PIK3C3: variants seen among roughly 807,000 people sequenced by gnomAD.
PIK3C3 encodes PI3-kinase type 3.
In PIK3C3, 95 loss-of-function variants were observed where a neutral mutation model predicts 126.1. The ratio of observed to expected loss-of-function variants is 0.75; its 90% CI spans 0.64 to 0.89. PIK3C3 has a LOEUF of 0.89. Ranked by LOEUF, PIK3C3 falls within the 40% of genes least tolerant of loss-of-function variation. The probability of loss-of-function intolerance (pLI) is 0.00; values close to 1 mark genes in which losing one functional copy is unlikely to be tolerated. For synonymous variants in PIK3C3, 374 were observed against 360.0 expected, an observed-to-expected ratio of 1.04 and a Z score of -0.44; for missense variants, 829 against 1,063.2, an observed-to-expected ratio of 0.78 and a Z score of 3.06.
At chr18:42,007,120 G>A (rs550936832) in intron 10 of PIK3C3, among the ~76,000 whole-genome samples, 11 of 152,078 alleles carry the variant, frequency 7.2e-5, no homozygotes, top group South Asian at 4.1e-4. Flanking sequence ...CGCCCCCATC[G>A]GCCTCCCGAA....
Position 42,024,399 on chromosome 18 carries a change from AG to A in PIK3C3, c.1485-3042del, listed in dbSNP as rs1366920578. On this transcript the variant is annotated intron_variant, in intron 13 of 24. Transcript: ENST00000262039. ...ATGACAGTGTCACTTTTCTTTTTTT[AG>A]GTGGCCTTTTTGTTTGAATAGATGT... Among the ~76,000 whole-genome samples, 3 of 151,184 alleles carry A rather than the reference AG, an allele frequency of 2.0e-5. No individual in the cohort carries two copies. The East Asian group carries it at 5.8e-4, about 29-fold the overall frequency.
chr18:42,018,992 T>C (rs1027461657), intron 12 of PIK3C3, among the ~76,000 whole-genome samples: 4 of 152,020 alleles, frequency 2.6e-5, no homozygotes, highest in Non-Finnish European at 5.9e-5. Context: ...TCTGCAGTGA[T>C]TTTTCATACC....
rs953794202 is a variant in PIK3C3, at chr18:42,081,295, T to C, written c.*158T>C. 1.8e-5 allele frequency: 9 copies of C among 504,872 alleles called. No homozygotes were observed. The highest frequency in any genetic ancestry group is 2.9e-5 in the Non-Finnish European group (8 of 278,198). The allele number at this position is 504,872 out of a possible 1,614,324, so 31.3% of individuals were successfully genotyped here. A position where few individuals can be genotyped will look rare whatever the true frequency, so the allele number is the denominator to read the frequency against. ...ATATTACATGGTACCTGAGTTCTGC[T>C]TCCTTGGATGTCATTGCTTAAATAT... On this transcript the variant is annotated 3_prime_UTR_variant, in exon 25 of 25. Coordinates refer to ENST00000262039, the MANE Select transcript of PIK3C3 (RefSeq NM_002647.4).
At chr18:42,062,212 T>C (rs949204782) in intron 22 of PIK3C3, among the ~76,000 whole-genome samples, 8 of 152,120 alleles carry the variant, frequency 5.3e-5, no homozygotes, top group Admixed American at 3.3e-4. Context: ...AGAGTACGAA[T>C]GATGGAGAGT....
Position 41,955,315 on chromosome 18 carries a change from C to T in PIK3C3, c.24C>T (p.His8=), listed in dbSNP as rs199607754. Residue 8 remains histidine, a synonymous_variant, in exon 1 of 25, where the codon CAC becomes CAT. Coordinates refer to ENST00000262039, the MANE Select transcript of PIK3C3 (RefSeq NM_002647.4). MGEAEKF[H]YIYSCDLDIN... is the part of the protein sequence containing the mutation. ...CGATGGGGGAAGCAGAGAAGTTTCA[C>T]TACATCTATAGTTGTGACCTGGATA... 28 of 1,613,600 alleles carry T rather than the reference C, an allele frequency of 1.7e-5. No homozygotes were observed. Among genetic ancestry groups the T allele is most frequent in the African/African-American group, 2.7e-5 (2 of 75,028 alleles).
Position 42,087,530 on chromosome 18 carries a change from A to G in PIK3C3, c.*6393A>G, listed in dbSNP as rs1986422759. On this transcript the variant is annotated 3_prime_UTR_variant, in exon 25 of 25. Coordinates refer to ENST00000262039, the MANE Select transcript of PIK3C3 (RefSeq NM_002647.4). ...CTGGCATTCACCCATGCAAGCTGCCAGCTTGTCTATGTCTGCAGCTCAACT... is the reference window on the plus strand; with the variant it reads ...CTGGCATTCACCCATGCAAGCTGCCGGCTTGTCTATGTCTGCAGCTCAACT... 6.6e-6 allele frequency: 1 copy of G among 152,202 alleles called. No homozygotes were observed. Among genetic ancestry groups the G allele is most frequent in the Non-Finnish European group, 1.5e-5 (1 of 68,036 alleles). The allele number at this position is 152,202 out of a possible 1,614,324, so 9.4% of individuals were successfully genotyped here.
At chr18:42,025,019 A>G (rs549291192) in intron 13 of PIK3C3, among the ~76,000 whole-genome samples, 4 of 151,574 alleles carry the variant, frequency 2.6e-5, no homozygotes, top group East Asian at 2.0e-4. Flanking sequence ...TCACCGTGTT[A>G]GCCAGGATGG....
At chr18:41,967,678 C>T (rs1249346514) in intron 3 of PIK3C3, among the ~76,000 whole-genome samples, 2 of 152,100 alleles carry the variant, frequency 1.3e-5, no homozygotes, top group Non-Finnish European at 2.9e-5. Context: ...AATAATTTGT[C>T]GTCCTTAATT....
intron 13 of PIK3C3, among the ~76,000 whole-genome samples, chr18:42,022,047 A>G (rs1983347315): frequency 6.6e-6 from 1 of 152,192 alleles, no homozygotes; most frequent in African/African-American, 2.4e-5. Context: ...GTCCAGCCTT[A>G]ACTTCATTCT....
At chr18:42,053,423 T>C (rs1984893455) in intron 21 of PIK3C3, among the ~76,000 whole-genome samples, 1 of 152,200 alleles carries the variant, frequency 6.6e-6, no homozygotes. Flanking sequence ...GCGATTGTAT[T>C]GTCAGTGTAT....
intron 24 of PIK3C3, among the ~76,000 whole-genome samples, chr18:42,076,125 C>CATATATATATATAT (rs1170833789): frequency 6.3e-5 from 3 of 47,672 alleles, no homozygotes; most frequent in South Asian, 5.4e-4. Context: ...TATATATGCG[C>CATATATATATATAT]ATATATATAT....
chr18:41,955,420 G>C (rs1352056665), intron 1 of PIK3C3, 61 bp downstream of exon 1: 2 of 1,427,224 alleles, frequency 1.4e-6, no homozygotes, highest in African/African-American at 1.4e-5. Flanking sequence ...GGGGGCAGGG[G>C]CCTGTTGGGA....
At chr18:41,984,570 C>A (rs966664740) in intron 4 of PIK3C3, among the ~76,000 whole-genome samples, 1 of 152,012 alleles carries the variant, frequency 6.6e-6, no homozygotes, top group Admixed American at 6.6e-5. Context: ...TTAGTGAGTT[C>A]GTTGGAGAGG....
At chr18:41,964,210 T>A (rs1980241065) in intron 3 of PIK3C3, among the ~76,000 whole-genome samples, 1 of 152,146 alleles carries the variant, frequency 6.6e-6, no homozygotes, top group South Asian at 2.1e-4. Context: ...GTCCCAACAC[T>A]GCTTATTAAA....
chr18:42,010,063 A>T (rs1171647691), intron 10 of PIK3C3, among the ~76,000 whole-genome samples: 1 of 152,222 alleles, frequency 6.6e-6, no homozygotes, highest in African/African-American at 2.4e-5. Flanking sequence ...TTTTTTCCAC[A>T]GTAGAACTTC....
In PIK3C3 at chr18:42,082,837, A is replaced by G. The variant is rs1286226560; in HGVS notation, c.*1700A>G. 1.3e-5 allele frequency: 2 copies of G among 152,230 alleles called. No individual in the cohort carries two copies. The highest frequency in any genetic ancestry group is 2.9e-5 in the Non-Finnish European group (2 of 68,034). 9.4% of individuals were successfully genotyped at this position (152,230 alleles called of 1,614,324 possible). ...GCTAACTGGAAGGCAAAAGTGTATC[A>G]TCTTACTCGTCTTTATAAACTCCAC... On this transcript the variant is annotated 3_prime_UTR_variant, in exon 25 of 25. Transcript: ENST00000262039.
At chr18:42,076,103 T>TATATATATATATATATGCAC (rs1985972312) in intron 24 of PIK3C3, among the ~76,000 whole-genome samples, 2 of 66,574 alleles carry the variant, frequency 3.0e-5, no homozygotes, top group Non-Finnish European at 2.9e-5. Flanking sequence ...TATATATATA[T>TATATATATATATATATGCAC]ATATATATAT....
At chr18:42,012,405 T>C (rs1366788694) in intron 10 of PIK3C3, among the ~76,000 whole-genome samples, 1 of 152,140 alleles carries the variant, frequency 6.6e-6, no homozygotes, top group Non-Finnish European at 1.5e-5. Flanking sequence ...GTTTGTGAGC[T>C]TAAAGAGGAG....
chr18:42,036,631 C>T (rs1984064895), intron 16 of PIK3C3, among the ~76,000 whole-genome samples: 1 of 150,546 alleles, frequency 6.6e-6, no homozygotes, highest in African/African-American at 2.5e-5. Flanking sequence ...AATATAATTT[C>T]TTTATTTTTT....
Sources: gnomAD v4.1 joint callset for allele counts (sites outside exome capture counted in the v4.1 genomes callset) on GRCh38, gnomAD v4.1.1 for gene constraint, MANE v1.5 for transcripts, NCBI Gene and HGNC (gene_info 2026-07-23, HGNC 2026-07-21) for gene names.